The following FGGY variants were observed in gnomAD, a reference collection of about 807,000 sequenced individuals.
The protein encoded by FGGY is FGGY carbohydrate kinase domain containing, also known as FGGY carbohydrate kinase domain-containing protein.
In FGGY, 72 loss-of-function variants were observed where a neutral mutation model predicts 71.3. The observed-to-expected ratio is 1.01, with a 90% CI of 0.84 to 1.23. The LOEUF (loss-of-function observed/expected upper bound fraction) is 1.23, where lower values mean the gene tolerates loss of function less well. FGGY is among the 50% of genes most tolerant of loss of function. FGGY has a pLI of 0.00. For missense variants in FGGY, 668 were observed against 682.3 expected (o/e 0.98, Z 0.23); for synonymous variants, 251 against 250.3 (o/e 1.00, Z -0.02).
intron 14 of FGGY, among the ~76,000 whole-genome samples, chr1:59,736,130 C>T (rs2098101092): frequency 6.6e-6 from 1 of 152,152 alleles, no homozygotes; most frequent in South Asian, 2.1e-4. Context: ...TGCCTGCTGC[C>T]ATCCATGTAA....
intron 5 of FGGY, among the ~76,000 whole-genome samples, chr1:59,379,940 C>A (rs1287352175): frequency 6.6e-6 from 1 of 152,056 alleles, no homozygotes; most frequent in African/African-American, 2.4e-5. Flanking sequence ...CTAATGCTAT[C>A]CCCCGCCTCC....
chr1:59,613,122 A>T (rs558579075), intron 9 of FGGY, among the ~76,000 whole-genome samples: 49 of 152,268 alleles, frequency 3.2e-4, no homozygotes, highest in Non-Finnish European at 6.3e-4. Context: ...ATCCAGGAAT[A>T]GAACTCAGCT....
intron 14 of FGGY, among the ~76,000 whole-genome samples, chr1:59,712,829 AG>A (rs1461654210): frequency 6.6e-6 from 1 of 152,192 alleles, no homozygotes; most frequent in African/African-American, 2.4e-5. Context: ...GACATGCCCT[AG>A]AGACATTTTC....
At chr1:59,540,204 T>A (rs1204132640) in intron 7 of FGGY, among the ~76,000 whole-genome samples, 1 of 152,182 alleles carries the variant, frequency 6.6e-6, no homozygotes, top group Non-Finnish European at 1.5e-5. Flanking sequence ...TTTGGCAGTA[T>A]CATGATAGGC....
At chr1:59,610,180 A>G (rs1299672640) in intron 9 of FGGY, among the ~76,000 whole-genome samples, 1 of 152,092 alleles carries the variant, frequency 6.6e-6, no homozygotes, top group Non-Finnish European at 1.5e-5. Flanking sequence ...CCCATCATCT[A>G]TGTTTTAAGC....
intron 6 of FGGY, among the ~76,000 whole-genome samples, chr1:59,462,096 G>A (rs886454099): frequency 2.0e-5 from 3 of 151,718 alleles, no homozygotes; most frequent in Non-Finnish European, 4.4e-5. Flanking sequence ...TTGTCCTTGC[G>A]ATAGTTTACA....
intron 6 of FGGY, among the ~76,000 whole-genome samples, chr1:59,497,779 T>G (rs1485833553): frequency 1.3e-5 from 2 of 152,198 alleles, no homozygotes; most frequent in African/African-American, 4.8e-5. Context: ...CCATGTCAGT[T>G]GGCTCACCCT....
At chr1:59,691,906 A>C (rs892332185) in intron 14 of FGGY, among the ~76,000 whole-genome samples, 2 of 152,188 alleles carry the variant, frequency 1.3e-5, no homozygotes, top group Non-Finnish European at 2.9e-5. Flanking sequence ...TAAATGCCTC[A>C]AGAGTAAGAA....
intron 4 of FGGY, among the ~76,000 whole-genome samples, chr1:59,372,394 C>G (rs1345557797): frequency 6.6e-6 from 1 of 152,116 alleles, no homozygotes; most frequent in Non-Finnish European, 1.5e-5. Context: ...TAATAACAGG[C>G]TCTGAAATTG....
At chr1:59,460,862 C>G (rs540786808) in intron 6 of FGGY, among the ~76,000 whole-genome samples, 3 of 152,274 alleles carry the variant, frequency 2.0e-5, no homozygotes, top group African/African-American at 7.2e-5. Flanking sequence ...AGAAGGAACT[C>G]TAACAAACAG....
chr1:59,328,127 G>C (rs1025796140), intron 2 of FGGY, among the ~76,000 whole-genome samples: 3 of 152,220 alleles, frequency 2.0e-5, no homozygotes, highest in Admixed American at 2.0e-4. Flanking sequence ...GTCCTTTGAA[G>C]CTTTGAGGCC....
chr1:59,581,359 A>T (rs979782330), intron 8 of FGGY, among the ~76,000 whole-genome samples: 1 of 150,194 alleles, frequency 6.7e-6, no homozygotes, highest in Non-Finnish European at 1.5e-5. Context: ...AAATTATCTC[A>T]CAACTTCTTC....
intron 5 of FGGY, among the ~76,000 whole-genome samples, chr1:59,419,953 G>A (rs1199913402): frequency 1.3e-5 from 2 of 152,108 alleles, no homozygotes; most frequent in East Asian, 1.9e-4. Flanking sequence ...CCATTTGTAA[G>A]CCTATTAGTT....
chr1:59,552,351 C>T (rs1266043305), intron 7 of FGGY, among the ~76,000 whole-genome samples: 1 of 152,146 alleles, frequency 6.6e-6, no homozygotes, highest in South Asian at 2.1e-4. Flanking sequence ...ACTTCTATTG[C>T]CTGGTTGTGG....
At chr1:59,447,827 G>C (rs2071663994) in intron 5 of FGGY, among the ~76,000 whole-genome samples, 1 of 152,130 alleles carries the variant, frequency 6.6e-6, no homozygotes, top group Non-Finnish European at 1.5e-5. Flanking sequence ...AAATTACCCA[G>C]TCTCAGGTAT....
chr1:59,490,241 G>A (rs1340912635), intron 6 of FGGY, among the ~76,000 whole-genome samples: 2 of 151,914 alleles, frequency 1.3e-5, no homozygotes, highest in African/African-American at 2.4e-5. Context: ...TTTTGGACAG[G>A]GTCTTGCTAT....
intron 1 of FGGY, among the ~76,000 whole-genome samples, chr1:59,313,957 A>AT (rs574411845): frequency 1.3e-4 from 19 of 149,792 alleles, no homozygotes; most frequent in African/African-American, 3.9e-4. Context: ...ACCTACGGAA[A>AT]TTTTTTTTTT....
rs533802898 is a variant in FGGY, at chr1:59,341,533, T to C, written c.313+1464T>C. Among the ~76,000 whole-genome samples, 3 of 152,312 alleles carry C rather than the reference T, an allele frequency of 2.0e-5. No homozygotes were observed. In the South Asian group the frequency reaches 6.2e-4, roughly 32 times the overall value. On this transcript the variant is annotated intron_variant, in intron 3 of 15. Transcript: ENST00000303721. ...CAGACACACACACTTTTTTCCCTCT[T>C]CTTGCGACATTTATTAACACCTCCT... is the stretch of plus-strand genomic sequence containing the variant.
chr1:59,509,597 G>A (rs1456889961), intron 6 of FGGY, among the ~76,000 whole-genome samples: 1 of 151,992 alleles, frequency 6.6e-6, no homozygotes, highest in Non-Finnish European at 1.5e-5. Context: ...AATTTACCTA[G>A]CCCTTTTGAT....
Sources: gnomAD v4.1 joint callset for allele counts (sites outside exome capture counted in the v4.1 genomes callset) on GRCh38, gnomAD v4.1.1 for gene constraint, MANE v1.5 for transcripts, NCBI Gene and HGNC (gene_info 2026-07-23, HGNC 2026-07-21) for gene names.